Variants in SLC35D2 observed in about 807,000 individuals in gnomAD.
SLC35D2 encodes nucleotide sugar transporter SLC35D2.
Under a neutral mutation model 41.8 loss-of-function variants are expected in SLC35D2, and 43 were observed. That is an observed-to-expected ratio of 1.03 (90% CI 0.81 to 1.33). The LOEUF (loss-of-function observed/expected upper bound fraction) is 1.33, where lower values mean the gene tolerates loss of function less well. Ranked by LOEUF, SLC35D2 falls within the 40% of genes most tolerant of loss-of-function variation. The pLI is 0.00. For missense variants in SLC35D2, 380 were observed against 408.4 expected (o/e 0.93, Z 0.60); for synonymous variants, 150 against 163.9 (o/e 0.92, Z 0.65).
At chr9:96,323,661 T>C (rs1828362738) in intron 10 of SLC35D2, among the ~76,000 whole-genome samples, 1 of 152,126 alleles carries the variant, frequency 6.6e-6, no homozygotes, top group Non-Finnish European at 1.5e-5. Flanking sequence ...GCTCGGTGGC[T>C]CACGCCTGTA....
chr9:96,317,410 C>T (rs2130816586), downstream of SLC35D2, among the ~76,000 whole-genome samples: 1 of 152,192 alleles, frequency 6.6e-6, no homozygotes. Flanking sequence ...CCCCAACTAA[C>T]CTTAGTTCAA....
At chr9:96,353,105 C>T (rs1829874908) in intron 4 of SLC35D2, among the ~76,000 whole-genome samples, 1 of 151,940 alleles carries the variant, frequency 6.6e-6, no homozygotes, top group South Asian at 2.1e-4. Flanking sequence ...AAAAAAACCA[C>T]ATGCATAAAT....
At chr9:96,377,070 C>T (rs1830993857) in intron 1 of SLC35D2, among the ~76,000 whole-genome samples, 3 of 151,316 alleles carry the variant, frequency 2.0e-5, no homozygotes, top group African/African-American at 7.3e-5. Flanking sequence ...TGGCTCTCAG[C>T]GGACCAAGCA....
Position 96,383,539 on chromosome 9 carries a change from G to C in SLC35D2, c.96C>G (p.Leu32=), listed in dbSNP as rs1421722790. The C allele has an allele frequency of 6.6e-7, 1 of 1,512,940 alleles. No individual in the cohort carries two copies. The highest frequency in any genetic ancestry group is 1.2e-5 in the South Asian group (1 of 81,292). 93.7% of individuals were successfully genotyped at this position (1,512,940 alleles called of 1,614,324 possible). A position where few individuals can be genotyped will look rare whatever the true frequency, so the allele number is the denominator to read the frequency against. ...TGAGGAAGGAGCAGGTCCCGTAGAA[G>C]AGCGCCGACAGCAGCCGGGCCACCC... ...PSRVARLLSA[L]FYGTCSFLIV... The change falls in exon 1 of 12, where the codon CTC becomes CTG. Residue 32 remains leucine (L), a synonymous_variant. Coordinates refer to ENST00000253270, the MANE Select transcript of SLC35D2 (RefSeq NM_007001.3).
intron 9 of SLC35D2, among the ~76,000 whole-genome samples, chr9:96,327,619 TTTTTC>T (rs1828601152): frequency 6.6e-6 from 1 of 151,322 alleles, no homozygotes; most frequent in Admixed American, 6.6e-5. Context: ...TTTCTTTTTC[TTTTTC>T]TTTTTTTTTT....
chr9:96,360,319 T>A, intron 3 of SLC35D2, 98 bp from the exon 4 acceptor site: 3 of 940,780 alleles, frequency 3.2e-6, no homozygotes, highest in Non-Finnish European at 1.6e-6. Flanking sequence ...CCAGAGAGGA[T>A]CTTCAAACAG....
At chr9:96,356,517 A>G (rs1368559996) in intron 4 of SLC35D2, among the ~76,000 whole-genome samples, 2 of 148,798 alleles carry the variant, frequency 1.3e-5, no homozygotes, top group Non-Finnish European at 3.0e-5. Flanking sequence ...TTCCAATTTC[A>G]AAATTTAATA....
chr9:96,368,125 C>T, intron 2 of SLC35D2, 147 bp downstream of exon 2: 1 of 537,036 alleles, frequency 1.9e-6, no homozygotes, highest in Non-Finnish European at 3.4e-6. Flanking sequence ...TCAATATGTC[C>T]TGTTGTCTCA....
intron 6 of SLC35D2, among the ~76,000 whole-genome samples, chr9:96,346,314 G>A (rs1271388789): frequency 6.6e-6 from 1 of 152,166 alleles, no homozygotes; most frequent in East Asian, 1.9e-4. Flanking sequence ...AAGAGGATTT[G>A]GGCTTCAAGG....
intron 4 of SLC35D2, among the ~76,000 whole-genome samples, chr9:96,358,080 TTA>T (rs34633441): frequency 0.1 from 12,382 of 122,550 alleles, 1,013 homozygotes; most frequent in South Asian, 0.2. Flanking sequence ...ATTATATATT[TTA>T]TATATATATA....
rs1829827859 is a variant in SLC35D2 at position 96,351,888 on chromosome 9, G to A, written c.419+150C>T. 8.2e-6 allele frequency: 4 copies of A among 486,454 alleles called. No homozygotes were observed. In the South Asian group the frequency reaches 1.3e-4, roughly 16 times the overall value. 30.1% of individuals were successfully genotyped at this position (486,454 alleles called of 1,614,324 possible). A position where few individuals can be genotyped will look rare whatever the true frequency, so the allele number is the denominator to read the frequency against. On this transcript the variant is annotated intron_variant, in intron 5 of 11. Coordinates refer to ENST00000253270, the MANE Select transcript of SLC35D2 (RefSeq NM_007001.3). ...TAAAAAATCCCTCATTAAGTTCTTA[G>A]GGAATCACAGAAGCACAAAACTACT...
intron 4 of SLC35D2, chr9:96,357,565 A>C (rs1382062132): frequency 6.6e-6 from 1 of 152,114 alleles, no homozygotes; most frequent in African/African-American, 2.4e-5. Context: ...AAAAGAAAAA[A>C]ATTTTTAATT....
At chr9:96,377,896 G>A (rs939053762) in intron 1 of SLC35D2, among the ~76,000 whole-genome samples, 2 of 152,234 alleles carry the variant, frequency 1.3e-5, no homozygotes, top group Non-Finnish European at 2.9e-5. Context: ...GGAGCTAGGA[G>A]GACCCAATCC....
chr9:96,343,177 A>G (rs1250784570), intron 8 of SLC35D2, among the ~76,000 whole-genome samples: 1 of 152,196 alleles, frequency 6.6e-6, no homozygotes, highest in East Asian at 1.9e-4. Flanking sequence ...AGCTGTCACT[A>G]TGGAGAATGT....
intron 4 of SLC35D2, chr9:96,357,629 GAAGA>G (rs1407216899): frequency 1.3e-5 from 2 of 152,144 alleles, no homozygotes; most frequent in Non-Finnish European, 2.9e-5. Context: ...AACATTCTTA[GAAGA>G]AAGTATAGAA....
chr9:96,325,752 C>T (rs1828497375), intron 9 of SLC35D2, among the ~76,000 whole-genome samples: 1 of 152,152 alleles, frequency 6.6e-6, no homozygotes, highest in Non-Finnish European at 1.5e-5. Flanking sequence ...GAACTCAACT[C>T]TAGCAAAGGG....
intron 9 of SLC35D2, among the ~76,000 whole-genome samples, chr9:96,329,103 A>C (rs530165799): frequency 6.6e-6 from 1 of 152,066 alleles, no homozygotes; most frequent in South Asian, 2.1e-4. Context: ...AAAAAAAAAA[A>C]AGACATTATT....
rs147850671 is a variant in SLC35D2, at chr9:96,321,334, C to G, written c.922G>C (p.Gly308Arg). 3.8e-5 allele frequency: 61 copies of G among 1,612,858 alleles called. No individual in the cohort carries two copies. In the African/African-American group the frequency reaches 7.9e-4, roughly 21 times the overall value. The part of the protein sequence containing the change: ...NFVGLNICMA[G>R]GLRYSFLTLS... ...GTTAAAAAGGAATATCTCAAGCCCCCTGCCATGCTGAAAGGAGAAAAAAAA... is the reference window on the plus strand; with the variant it reads ...GTTAAAAAGGAATATCTCAAGCCCCGTGCCATGCTGAAAGGAGAAAAAAAA... The change falls in exon 12 of 12, where the codon GGG becomes CGG. Residue 308 changes from glycine to arginine, a missense_variant. Transcript: ENST00000253270.
At chr9:96,357,917 T>G (rs1054309924) in intron 4 of SLC35D2, among the ~76,000 whole-genome samples, 4 of 151,706 alleles carry the variant, frequency 2.6e-5, no homozygotes, top group African/African-American at 9.7e-5. Flanking sequence ...CACACACCTG[T>G]AGCCCCAGCT....
Sources: gnomAD v4.1 joint callset for allele counts (sites outside exome capture counted in the v4.1 genomes callset) on GRCh38, gnomAD v4.1.1 for gene constraint, MANE v1.5 for transcripts, NCBI Gene and HGNC (gene_info 2026-07-23, HGNC 2026-07-21) for gene names.